NAV2: variants seen among roughly 807,000 people sequenced by gnomAD.
NAV2 encodes helicase, APC down-regulated 1.
Under a neutral mutation model 223.2 loss-of-function variants are expected in NAV2, and 54 were observed. That is an observed-to-expected ratio of 0.24 (90% CI 0.19 to 0.30). The LOEUF (loss-of-function observed/expected upper bound fraction) is 0.30, where lower values mean the gene tolerates loss of function less well. Among genes scored for constraint, NAV2 ranks in the 10% least tolerant of loss-of-function variants. The pLI is 1.00. For missense variants in NAV2, 2,806 were observed against 3,147.5 expected, an observed-to-expected ratio of 0.89 and a Z score of 2.60; for synonymous variants, 1,279 against 1,239.3, an observed-to-expected ratio of 1.03 and a Z score of -0.67.
intron 1 of NAV2, among the ~76,000 whole-genome samples, chr11:19,522,737 G>A (rs919316078): frequency 6.6e-6 from 1 of 152,164 alleles, no homozygotes; most frequent in Non-Finnish European, 1.5e-5. Context: ...TCTGAATAAG[G>A]GAGTTGCTGT....
chr11:19,706,169 A>G (rs1422722687), intron 1 of NAV2, among the ~76,000 whole-genome samples: 1 of 152,226 alleles, frequency 6.6e-6, no homozygotes, highest in Non-Finnish European at 1.5e-5. Context: ...GAAAGTAGTC[A>G]CAGTCTAAGT....
intron 1 of NAV2, among the ~76,000 whole-genome samples, chr11:19,382,415 C>T (rs1428059342): frequency 2.0e-5 from 3 of 152,168 alleles, no homozygotes; most frequent in Non-Finnish European, 2.9e-5. Flanking sequence ...ACTGGCAAAC[C>T]TTGATGAATT....
intron 1 of NAV2, among the ~76,000 whole-genome samples, chr11:19,390,629 G>T (rs914621293): frequency 6.6e-6 from 1 of 152,162 alleles, no homozygotes; most frequent in African/African-American, 2.4e-5. Flanking sequence ...TGGGTTGATG[G>T]ATTGTCTCAT....
chr11:19,513,960 G>A (rs549215988), intron 1 of NAV2, among the ~76,000 whole-genome samples: 20 of 152,264 alleles, frequency 1.3e-4, no homozygotes, highest in Admixed American at 3.9e-4. Flanking sequence ...GGAGCATGGC[G>A]CTGCTCACAC....
At chr11:19,420,451 C>T (rs1033066961) in intron 1 of NAV2, among the ~76,000 whole-genome samples, 8 of 152,036 alleles carry the variant, frequency 5.3e-5, no homozygotes, top group Admixed American at 2.0e-4. Context: ...GAAATGAAGG[C>T]AAAAGTAATC....
intron 10 of NAV2, among the ~76,000 whole-genome samples, chr11:19,979,777 C>T (rs2050138475): frequency 6.6e-6 from 1 of 152,162 alleles, no homozygotes; most frequent in Admixed American, 6.5e-5. Context: ...GCTTTCTAAA[C>T]ATATGCACTG....
At chr11:19,661,832 T>G (rs2135734966) in intron 1 of NAV2, among the ~76,000 whole-genome samples, 1 of 152,330 alleles carries the variant, frequency 6.6e-6, no homozygotes, top group East Asian at 1.9e-4. Context: ...GACATTTATC[T>G]CATATAATAA....
At chr11:20,001,318 C>G (rs1187377037) in intron 11 of NAV2, among the ~76,000 whole-genome samples, 1 of 152,156 alleles carries the variant, frequency 6.6e-6, no homozygotes, top group Non-Finnish European at 1.5e-5. Context: ...TATTTTAAGT[C>G]TAACCAAATC....
In NAV2 at chr11:19,371,144, T is replaced by A. The variant is rs188078653; in HGVS notation, c.75+20117T>A. 2.8e-3 allele frequency among the ~76,000 whole-genome samples: 430 copies of A among 152,324 alleles called. 4 individuals carry two copies. Among genetic ancestry groups the A allele is most frequent in the African/African-American group, 9.8e-3 (406 of 41,554 alleles). ...TGAAACAGCCAAAATAACCAAGCTT[T>A]ATTGAGAATTTACTCTGTGCCAGAC... On this transcript the variant is annotated intron_variant, in intron 1 of 37. Transcript: ENST00000360655.
chr11:19,481,898 C>T (rs2042292812), intron 1 of NAV2, among the ~76,000 whole-genome samples: 1 of 152,150 alleles, frequency 6.6e-6, no homozygotes, highest in Non-Finnish European at 1.5e-5. Flanking sequence ...GCTTGTTGGA[C>T]CTCAGGCACT....
intron 1 of NAV2, among the ~76,000 whole-genome samples, chr11:19,470,966 C>T (rs1217739551): frequency 6.6e-6 from 1 of 152,126 alleles, no homozygotes; most frequent in Non-Finnish European, 1.5e-5. Context: ...TCCCAAGCCA[C>T]AGAGCATAGC....
rs755849353 is a variant in NAV2, at chr11:19,879,949, C to T, written c.592C>T (p.Gln198Ter). The change falls in exon 5 of 38, where the codon CAG (glutamine) becomes TAG (stop). Residue 198 changes from glutamine to a stop codon, truncating the protein, a stop_gained. Transcript: ENST00000349880. LOFTEE classifies it high-confidence loss of function. ...SRYKQQQQQPQKQHLSSPLPP... is the reference protein window; with the variant it reads ...SRYKQQQQQP ...ATACAAGCAGCAGCAGCAGCAGCCC[C>T]AGAAGCAGCACCTCTCCTCACCTCT... The T allele has an allele frequency of 6.2e-7, 1 of 1,613,608 alleles. No homozygotes were observed. Among genetic ancestry groups the T allele is most frequent in the Non-Finnish European group, 8.5e-7 (1 of 1,180,014 alleles).
intron 11 of NAV2, among the ~76,000 whole-genome samples, chr11:20,007,224 C>T (rs1017284495): frequency 2.0e-5 from 3 of 151,942 alleles, no homozygotes; most frequent in Non-Finnish European, 4.4e-5. Flanking sequence ...GTTAGGATTA[C>T]AGACTTGAGC....
chr11:19,462,997 G>A (rs752923775), intron 1 of NAV2, among the ~76,000 whole-genome samples: 2 of 152,098 alleles, frequency 1.3e-5, no homozygotes, highest in South Asian at 4.2e-4. Flanking sequence ...TCTTTTCTTC[G>A]ATAGTAACTG....
intron 1 of NAV2, among the ~76,000 whole-genome samples, chr11:19,525,158 G>T (rs1229015925): frequency 6.6e-6 from 1 of 152,204 alleles, no homozygotes; most frequent in Non-Finnish European, 1.5e-5. Flanking sequence ...GTTCATTAGA[G>T]CTAGAAAGGA....
chr11:19,656,665 C>A (rs779475092), intron 1 of NAV2, among the ~76,000 whole-genome samples: 4 of 152,072 alleles, frequency 2.6e-5, no homozygotes, highest in Non-Finnish European at 5.9e-5. Flanking sequence ...GCCTGGGGAC[C>A]CAGCCACACC....
chr11:19,686,468 G>A (rs1239404943), intron 1 of NAV2, among the ~76,000 whole-genome samples: 2 of 152,164 alleles, frequency 1.3e-5, no homozygotes, highest in East Asian at 1.9e-4. Context: ...GTGGCTCACA[G>A]GGAGGTACTC....
At chr11:20,066,095 G>A (rs191201402) in intron 20 of NAV2, among the ~76,000 whole-genome samples, 86 of 152,332 alleles carry the variant, frequency 5.6e-4, no homozygotes, top group Non-Finnish European at 5.0e-4. Context: ...TTGTTAAAAG[G>A]ATTAGATGAA....
intron 1 of NAV2, chr11:19,506,653 CATAG>C (rs988979768): frequency 1.7e-5 from 2 of 119,892 alleles, no homozygotes; most frequent in Non-Finnish European, 3.9e-5. Flanking sequence ...GTGGCATTAG[CATAG>C]CTGGATTTCC....
Sources: allele counts gnomAD v4.1 joint callset (sites outside exome capture counted in the v4.1 genomes callset), GRCh38; gene constraint gnomAD v4.1.1; transcripts MANE v1.5; gene names NCBI Gene and HGNC (gene_info 2026-07-23, HGNC 2026-07-21).